Variants in SAMMSON observed in about 807,000 individuals in gnomAD.
The protein encoded by SAMMSON is long intergenic non-protein coding RNA 1212.
At chr3:70,070,483 T>G (rs907333216) in intron 3 of SAMMSON, 1 of 152,008 alleles carries the variant, frequency 6.6e-6, no homozygotes, top group Non-Finnish European at 1.5e-5. Flanking sequence ...GGTATTGTTA[T>G]GTTTAGGGGC....
chr3:70,173,578 A>T (rs1700979653), intron 4 of SAMMSON, among the ~76,000 whole-genome samples: 1 of 151,938 alleles, frequency 6.6e-6, no homozygotes. Context: ...TGTGCTTCTC[A>T]TAAGTAGGAG....
Position 70,270,550 on chromosome 3 carries a change from C to G in SAMMSON, n.675-20629C>G, listed in dbSNP as rs186594771. On this transcript the variant is annotated intron_variant and non_coding_transcript_variant, in intron 6 of 9. Transcript: ENST00000642114. ...AAGTATGTATATACATGGCTGCTTT[C>G]TTAGTCTGAGTTCAGTGTTTGCAGA... 5.9e-5 allele frequency among the ~76,000 whole-genome samples: 9 copies of G among 152,264 alleles called. No individual in the cohort carries two copies. The East Asian group carries it at 1.5e-3, about 26-fold the overall frequency.
At chr3:70,015,714 C>T (rs1330530715) in intron 3 of SAMMSON, among the ~76,000 whole-genome samples, 1 of 149,234 alleles carries the variant, frequency 6.7e-6, no homozygotes, top group Non-Finnish European at 1.5e-5. Flanking sequence ...TCCCTCCCCG[C>T]TTCCCCACCC....
At chr3:70,096,747 A>C (rs2067324357) in intron 4 of SAMMSON, among the ~76,000 whole-genome samples, 1 of 152,208 alleles carries the variant, frequency 6.6e-6, no homozygotes, top group African/African-American at 2.4e-5. Context: ...TTAGTTAATT[A>C]ACAGCAACAT....
chr3:70,007,014 A>G (rs541489997), intron 1 of SAMMSON, among the ~76,000 whole-genome samples: 4 of 152,084 alleles, frequency 2.6e-5, no homozygotes, highest in East Asian at 1.9e-4. Flanking sequence ...TCCATGGTGT[A>G]TATGTGCCAC....
chr3:70,048,313 G>A (rs1430576068), intron 3 of SAMMSON, among the ~76,000 whole-genome samples: 1 of 152,028 alleles, frequency 6.6e-6, no homozygotes, highest in Admixed American at 6.6e-5. Flanking sequence ...ATGTGATTCT[G>A]GGCAGATGAC....
intron 6 of SAMMSON, among the ~76,000 whole-genome samples, chr3:70,249,878 T>TA (rs1460514797): frequency 6.6e-6 from 1 of 152,030 alleles, no homozygotes; most frequent in African/African-American, 2.4e-5. Context: ...CTAACGTTAA[T>TA]AAAAAAATTC....
intron 4 of SAMMSON, chr3:70,125,496 C>T: frequency 1.4e-6 from 1 of 729,858 alleles, no homozygotes; most frequent in Non-Finnish European, 2.4e-6. Context: ...TTAATCTCTT[C>T]TGTGATGTTC....
At chr3:70,431,080 T>G (rs1030706703) in intron 2 of SAMMSON, among the ~76,000 whole-genome samples, 1 of 152,068 alleles carries the variant, frequency 6.6e-6, no homozygotes, top group Non-Finnish European at 1.5e-5. Context: ...TATTATTTGA[T>G]GGAAGGAGTA....
chr3:70,385,019 T>G lies in SAMMSON; in HGVS notation n.914-4555T>G, dbSNP rs1021476829. Among the ~76,000 whole-genome samples the G allele has an allele frequency of 2.6e-5, 4 of 152,214 alleles. No individual in the cohort carries two copies. The South Asian group carries it at 8.3e-4, about 32-fold the overall frequency. ...AGTGCTAACATATGGAATAGAATAATCTAGGCAACAGGGGAATTAATTAAA... is the reference window on the plus strand; with the variant it reads ...AGTGCTAACATATGGAATAGAATAAGCTAGGCAACAGGGGAATTAATTAAA... On this transcript the variant is annotated intron_variant and non_coding_transcript_variant, in intron 9 of 9. Transcript: ENST00000642114.
At chr3:70,281,938 AG>A (rs1702088588) in intron 6 of SAMMSON, among the ~76,000 whole-genome samples, 1 of 152,210 alleles carries the variant, frequency 6.6e-6, no homozygotes, top group Non-Finnish European at 1.5e-5. Flanking sequence ...TTGATTGTAC[AG>A]TAACACCCTG....
intron 4 of SAMMSON, among the ~76,000 whole-genome samples, chr3:70,171,021 A>C (rs1700938858): frequency 6.6e-6 from 1 of 151,910 alleles, no homozygotes; most frequent in Non-Finnish European, 1.5e-5. Flanking sequence ...TATGGACTCA[A>C]GTAACTTTAA....
At chr3:70,006,644 A>T (rs1257032026) in intron 1 of SAMMSON, among the ~76,000 whole-genome samples, 2 of 151,782 alleles carry the variant, frequency 1.3e-5, no homozygotes, top group African/African-American at 2.4e-5. Context: ...TTTCCTGTTT[A>T]TTTTTTTATT....
intron 4 of SAMMSON, among the ~76,000 whole-genome samples, chr3:70,199,773 C>A (rs952442939): frequency 6.6e-6 from 1 of 152,134 alleles, no homozygotes; most frequent in Non-Finnish European, 1.5e-5. Context: ...TTTCCTGGTG[C>A]TTTAATGTTT....
At chr3:70,014,298 C>T (rs767972413) in intron 3 of SAMMSON, 1 of 152,148 alleles carries the variant, frequency 6.6e-6, no homozygotes, top group Non-Finnish European at 1.5e-5. Flanking sequence ...CTTTCCTTCA[C>T]CTACCCCCAA....
intron 7 of SAMMSON, among the ~76,000 whole-genome samples, chr3:70,330,980 T>C (rs1297344435): frequency 6.6e-6 from 1 of 152,182 alleles, no homozygotes; most frequent in Admixed American, 6.5e-5. Flanking sequence ...AGTGAACATT[T>C]TACATCTTTT....
chr3:70,430,785 G>A (rs1701407461), intron 2 of SAMMSON, among the ~76,000 whole-genome samples: 1 of 152,078 alleles, frequency 6.6e-6, no homozygotes, highest in South Asian at 2.1e-4. Flanking sequence ...CAAGAATTTG[G>A]TTGATGTATA....
chr3:70,379,471 G>C (rs1253893531), intron 9 of SAMMSON, among the ~76,000 whole-genome samples: 19 of 152,174 alleles, frequency 1.2e-4, no homozygotes, highest in Admixed American at 1.2e-3. Context: ...GGATTGGGCA[G>C]AGGGAGAATT....
At chr3:70,019,670 C>G (rs1297639993) in intron 3 of SAMMSON, among the ~76,000 whole-genome samples, 1 of 152,172 alleles carries the variant, frequency 6.6e-6, no homozygotes, top group Non-Finnish European at 1.5e-5. Context: ...GCAGTTTCTT[C>G]CTAGCATCGA....
Sources: allele counts gnomAD v4.1 joint callset (sites outside exome capture counted in the v4.1 genomes callset), GRCh38; gene constraint gnomAD v4.1.1; transcripts MANE v1.5; gene names NCBI Gene and HGNC (gene_info 2026-07-23, HGNC 2026-07-21).